Variants in GPRASP3 observed in about 807,000 individuals in gnomAD.
GPRASP3 encodes the protein G protein-coupled receptor associated sorting protein family member 3.
At chrX:102,725,142 A>G in the GPRASP3 span, among the ~76,000 whole-genome samples, 1 of 111,456 alleles carries the variant, frequency 9.0e-6, no homozygotes, top group African/African-American at 3.3e-5. Flanking sequence ...CTGCCTTTCT[A>G]TCTCCATCTC....
the GPRASP3 span, among the ~76,000 whole-genome samples, chrX:102,733,459 T>C: frequency 1.2e-5 from 1 of 80,282 alleles, no homozygotes; most frequent in Non-Finnish European, 2.3e-5. Context: ...AAACTCCATC[T>C]CAAAAAAAAA....
At chrX:102,731,709 C>CTTG in the GPRASP3 span, among the ~76,000 whole-genome samples, 212 of 111,475 alleles carry the variant, frequency 1.9e-3, 2 homozygotes, top group African/African-American at 6.8e-3. Flanking sequence ...ACTTGAAGGA[C>CTTG]AAGCACACTG....
At chrX:102,752,140 A>G in the GPRASP3 span, 1 of 122,568 alleles carries the variant, frequency 8.2e-6, no homozygotes, top group African/African-American at 3.3e-5. Flanking sequence ...AAAACAGGAA[A>G]GCTAGAAGAG....
At chrX:102,729,613 T>C in the GPRASP3 span, among the ~76,000 whole-genome samples, 1 of 112,347 alleles carries the variant, frequency 8.9e-6, no homozygotes, top group African/African-American at 3.2e-5. Context: ...CTCACGCCTG[T>C]AATCCCAACA....
the GPRASP3 span, chrX:102,753,392 T>C: frequency 8.1e-6 from 1 of 123,360 alleles, no homozygotes; most frequent in Non-Finnish European, 1.9e-5. Flanking sequence ...TTGATGGACA[T>C]TTGGGCTGTT....
the GPRASP3 span, chrX:102,748,664 C>A: frequency 5.3e-6 from 1 of 187,639 alleles, no homozygotes; most frequent in East Asian, 1.0e-4. Context: ...CACAGTTAGA[C>A]AAGACTCAAA....
chrX:102,743,498 C>G, the GPRASP3 span, among the ~76,000 whole-genome samples: 3 of 110,994 alleles, frequency 2.7e-5, no homozygotes, highest in Non-Finnish European at 5.7e-5. Flanking sequence ...AATCCTTTCC[C>G]TATTGATGGT....
the GPRASP3 span, among the ~76,000 whole-genome samples, chrX:102,741,105 C>A: frequency 1.2e-4 from 13 of 111,452 alleles, no homozygotes; most frequent in African/African-American, 4.2e-4. Context: ...TCAATTCTTG[C>A]CTCCTCAGAA....
the GPRASP3 span, among the ~76,000 whole-genome samples, chrX:102,735,430 C>T: frequency 1.1e-5 from 1 of 94,861 alleles, no homozygotes; most frequent in African/African-American, 4.0e-5. Context: ...TTTGAGACGA[C>T]GTCTTGCTCT....
At chrX:102,746,368 G>A in the GPRASP3 span, among the ~76,000 whole-genome samples, 2 of 112,817 alleles carry the variant, frequency 1.8e-5, no homozygotes, top group African/African-American at 6.4e-5. Flanking sequence ...GCCAAGGGCT[G>A]AGGGGCTGGC....
At chrX:102,752,797 T>C in the GPRASP3 span, 1 of 122,170 alleles carries the variant, frequency 8.2e-6, no homozygotes, top group Non-Finnish European at 1.9e-5. Flanking sequence ...TGAGACAGAG[T>C]CTTGCTCTGT....
At chrX:102,750,711 A>T in the GPRASP3 span, 1 of 841,431 alleles carries the variant, frequency 1.2e-6, no homozygotes, top group Non-Finnish European at 1.6e-6. Flanking sequence ...TGTACACATT[A>T]TACACTGCAT....
chrX:102,753,146 C>A, the GPRASP3 span: 42 of 122,385 alleles, frequency 3.4e-4, no homozygotes, highest in African/African-American at 1.3e-3. Context: ...GTGCCCCTAA[C>A]CCAGGCAACC....
the GPRASP3 span, among the ~76,000 whole-genome samples, chrX:102,745,456 CTG>C: frequency 9.0e-6 from 1 of 111,220 alleles, no homozygotes; most frequent in African/African-American, 3.3e-5. Flanking sequence ...CCTTCCTCCC[CTG>C]CGTGGCTCCA....
the GPRASP3 span, among the ~76,000 whole-genome samples, chrX:102,742,601 CA>C: frequency 3.6e-5 from 4 of 111,991 alleles, no homozygotes; most frequent in African/African-American, 6.5e-5. Flanking sequence ...AGTTCTCAAC[CA>C]AATTTTGGGA....
chrX:102,741,362 C>G, the GPRASP3 span, among the ~76,000 whole-genome samples: 1 of 111,944 alleles, frequency 8.9e-6, no homozygotes, highest in African/African-American at 3.2e-5. Context: ...TGCCCTCCTT[C>G]TCCTTAGGAA....
At chrX:102,738,719 C>A in the GPRASP3 span, among the ~76,000 whole-genome samples, 2 of 111,712 alleles carry the variant, frequency 1.8e-5, no homozygotes, top group Non-Finnish European at 3.8e-5. Flanking sequence ...AATCTGTCAG[C>A]CTGGGCCACC....
At chrX:102,724,282 T>C in the GPRASP3 span, among the ~76,000 whole-genome samples, 1 of 111,078 alleles carries the variant, frequency 9.0e-6, no homozygotes, top group South Asian at 3.8e-4. Context: ...AGAACAATAG[T>C]GTAATTTTCC....
chrX:102,745,251 G>C, the GPRASP3 span, among the ~76,000 whole-genome samples: 1 of 111,350 alleles, frequency 9.0e-6, no homozygotes, highest in East Asian at 2.9e-4. Flanking sequence ...GTCAACTGTG[G>C]GGACGGCGCA....
Sources: allele counts gnomAD v4.1 joint callset (sites outside exome capture counted in the v4.1 genomes callset), GRCh38; gene constraint gnomAD v4.1.1; transcripts MANE v1.5; gene names NCBI Gene and HGNC (gene_info 2026-07-23, HGNC 2026-07-21).